TSC22D1: variants seen among roughly 807,000 people sequenced by gnomAD.
The protein encoded by TSC22D1 is TSC22 domain family member 1, also known as TSC22 domain family protein 1.
A neutral mutation model predicts 74.2 loss-of-function variants in TSC22D1; 9 were observed. That is an observed-to-expected ratio of 0.12 (90% confidence interval 0.07 to 0.21). TSC22D1 has a LOEUF of 0.21. Ranked by LOEUF, TSC22D1 falls within the 10% of genes least tolerant of loss-of-function variation. The pLI is 1.00. For synonymous variants in TSC22D1, 586 were observed against 492.5 expected, an observed-to-expected ratio of 1.19 and a Z score of -2.51; for missense variants, 1,427 against 1,304.7, an observed-to-expected ratio of 1.09 and a Z score of -1.44.
At chr13:44,456,417 G>C (rs1876651540) in intron 1 of TSC22D1, among the ~76,000 whole-genome samples, 1 of 152,028 alleles carries the variant, frequency 6.6e-6, no homozygotes, top group Admixed American at 6.6e-5. Flanking sequence ...CAAACCTTTA[G>C]CTAGACACAG....
At chr13:44,552,937 G>A (rs905338804) in intron 1 of TSC22D1, among the ~76,000 whole-genome samples, 2 of 152,242 alleles carry the variant, frequency 1.3e-5, no homozygotes, top group East Asian at 1.9e-4. Flanking sequence ...GCAGTGAGCC[G>A]CGATCGTGCC....
intron 1 of TSC22D1, among the ~76,000 whole-genome samples, chr13:44,546,018 TAAAA>T (rs1055064824): frequency 6.6e-6 from 1 of 151,328 alleles, no homozygotes; most frequent in Non-Finnish European, 1.5e-5. Context: ...TACAAATAGA[TAAAA>T]AAGAAAAGAA....
intron 1 of TSC22D1, among the ~76,000 whole-genome samples, chr13:44,503,527 A>G (rs2137988692): frequency 6.6e-6 from 1 of 152,362 alleles, no homozygotes; most frequent in East Asian, 1.9e-4. Context: ...TGCCATTGCT[A>G]ATAGATTTGT....
chr13:44,547,813 A>T (rs1241391114), intron 1 of TSC22D1, among the ~76,000 whole-genome samples: 1 of 152,162 alleles, frequency 6.6e-6, no homozygotes, highest in Non-Finnish European at 1.5e-5. Context: ...AGGTCTTCCT[A>T]TGATGCCCAG....
intron 1 of TSC22D1, among the ~76,000 whole-genome samples, chr13:44,544,507 G>C (rs1881688788): frequency 6.7e-6 from 1 of 148,886 alleles, no homozygotes; most frequent in Non-Finnish European, 1.5e-5. Context: ...AAGACTCTGA[G>C]CAAAGTTGTG....
chr13:44,504,789 A>G (rs1277816530), intron 1 of TSC22D1, among the ~76,000 whole-genome samples: 1 of 152,212 alleles, frequency 6.6e-6, no homozygotes, highest in Non-Finnish European at 1.5e-5. Context: ...TCACATATCA[A>G]CATCAACAGC....
At chr13:44,529,943 A>G (rs1385439074) in intron 1 of TSC22D1, among the ~76,000 whole-genome samples, 1 of 152,088 alleles carries the variant, frequency 6.6e-6, no homozygotes, top group Non-Finnish European at 1.5e-5. Flanking sequence ...AAATGGAGAG[A>G]TATTCCATGT....
intron 1 of TSC22D1, among the ~76,000 whole-genome samples, chr13:44,500,481 T>C (rs1334224824): frequency 6.6e-6 from 1 of 152,178 alleles, no homozygotes; most frequent in East Asian, 1.9e-4. Flanking sequence ...GGATTTTTCA[T>C]TCTCTTTGAG....
Position 44,573,221 on chromosome 13 carries a change from G to GAGAAGC in TSC22D1, c.2848_2853dup (p.Ala950_Ser951dup), listed in dbSNP as rs748779560. The GAGAAGC allele has an allele frequency of 1.9e-6, 3 of 1,614,230 alleles. No homozygotes were observed. The East Asian group carries it at 6.7e-5, about 36-fold the overall frequency. On this transcript the variant is annotated inframe_insertion, in exon 1 of 3. Coordinates refer to ENST00000458659, the MANE Select transcript of TSC22D1 (RefSeq NM_183422.4). ...AGCGGTAGCACCTTCAACGGGAAAAGAGAAGCAGAGGCTGCTAGGCTGCTG... is the reference window on the plus strand; with the variant it reads ...AGCGGTAGCACCTTCAACGGGAAAAGAGAAGCAGAAGCAGAGGCTGCTAGGCTGCTG...
intron 2 of TSC22D1, 113 bp downstream of exon 2, chr13:44,435,931 C>G (rs1874571837): frequency 8.9e-7 from 1 of 1,125,526 alleles, no homozygotes; most frequent in East Asian, 2.6e-5. Context: ...CATTTCTACG[C>G]GCATCAAGAG....
At position 44,575,869 on chromosome 13, in the gene TSC22D1, G is replaced by C. The variant is rs145475008; in HGVS notation, c.206C>G (p.Pro69Arg). 1 of 1,614,108 alleles carries C rather than the reference G, an allele frequency of 6.2e-7. No homozygotes were observed. The highest frequency in any genetic ancestry group is 1.7e-5 in the Admixed American group (1 of 60,020). The change falls in exon 1 of 3, where the codon CCT (proline) becomes CGT (arginine). Residue 69 changes from proline (P) to arginine (R), a missense_variant. Around this residue, in one of 3 missense-constraint regions of TSC22D1, gnomAD observed 1,343 missense variants for 1,191.5 expected, o/e 1.13. Transcript: ENST00000458659. The part of the protein sequence containing the change: ...PPPSLLQPPP[P>R]AASSTSGPQP... ...TGGTCCCGACGTAGAAGATGCTGCA[G>C]GGGGCGGCGGCTGAAGCAGCGACGG...
chr13:44,458,662 C>A (rs891427631), intron 1 of TSC22D1, among the ~76,000 whole-genome samples: 1 of 152,184 alleles, frequency 6.6e-6, no homozygotes, highest in African/African-American at 2.4e-5. Flanking sequence ...CCACTTCCCC[C>A]ACAGGCTTGG....
At chr13:44,479,662 C>T (rs947904538) in intron 1 of TSC22D1, among the ~76,000 whole-genome samples, 14 of 152,156 alleles carry the variant, frequency 9.2e-5, no homozygotes, top group African/African-American at 3.4e-4. Flanking sequence ...AGCTTTCAAC[C>T]TAATAAGACA....
intron 1 of TSC22D1, among the ~76,000 whole-genome samples, chr13:44,526,480 A>C (rs879405907): frequency 8.0e-5 from 12 of 149,396 alleles, no homozygotes; most frequent in Non-Finnish European, 1.5e-4. Flanking sequence ...AAAAGCAAAG[A>C]AAAAAAAAAG....
chr13:44,511,631 C>A (rs1269504745), intron 1 of TSC22D1, among the ~76,000 whole-genome samples: 1 of 151,728 alleles, frequency 6.6e-6, no homozygotes, highest in Non-Finnish European at 1.5e-5. Context: ...CACACACACA[C>A]ACACACACAC....
intron 1 of TSC22D1, among the ~76,000 whole-genome samples, chr13:44,441,230 G>A (rs1352811111): frequency 1.3e-5 from 2 of 152,180 alleles, no homozygotes; most frequent in Admixed American, 6.5e-5. Flanking sequence ...GGTAAGGGAA[G>A]ATGGAGAACT....
At chr13:44,460,480 T>G (rs372699855) in intron 1 of TSC22D1, among the ~76,000 whole-genome samples, 1 of 152,158 alleles carries the variant, frequency 6.6e-6, no homozygotes, top group East Asian at 1.9e-4. Context: ...TATGACATGA[T>G]GAATTAGTTC....
At chr13:44,466,528 G>A (rs1003288544) in intron 1 of TSC22D1, among the ~76,000 whole-genome samples, 3 of 152,120 alleles carry the variant, frequency 2.0e-5, no homozygotes, top group Non-Finnish European at 2.9e-5. Context: ...CAGCCCTTTG[G>A]GAGGCCATGG....
At chr13:44,569,350 A>G (rs1883595147) in intron 1 of TSC22D1, among the ~76,000 whole-genome samples, 1 of 152,228 alleles carries the variant, frequency 6.6e-6, no homozygotes, top group African/African-American at 2.4e-5. Context: ...CAAGTTATTT[A>G]GAGACTGGGA....
Sources: gnomAD v4.1 joint callset for allele counts (sites outside exome capture counted in the v4.1 genomes callset) on GRCh38, gnomAD v4.1.1 for gene constraint, gnomAD v4.1.1 regional missense constraint, MANE v1.5 for transcripts, NCBI Gene and HGNC (gene_info 2026-07-23, HGNC 2026-07-21) for gene names.